Variants in STRN observed in about 807,000 individuals in gnomAD.
STRN encodes the protein striatin, also known as protein phosphatase 2 regulatory subunit B'''alpha.
Under a neutral mutation model 96.3 loss-of-function variants are expected in STRN, and 53 were observed. That is an observed-to-expected ratio of 0.55 (90% CI 0.44 to 0.69). The LOEUF is 0.69. Among genes scored for constraint, STRN ranks in the 30% least tolerant of loss-of-function variants. STRN has a pLI of 0.00. For missense variants in STRN, 987 were observed against 963.9 expected, an observed-to-expected ratio of 1.02 and a Z score of -0.32; for synonymous variants, 428 against 355.9, an observed-to-expected ratio of 1.20 and a Z score of -2.28.
At chr2:36,872,012 T>C (rs1668773561) in intron 10 of STRN, among the ~76,000 whole-genome samples, 1 of 152,252 alleles carries the variant, frequency 6.6e-6, no homozygotes, top group Non-Finnish European at 1.5e-5. Flanking sequence ...TCATGTCTGC[T>C]CTTTTTAAGC....
chr2:36,887,310 TAAATAC>T (rs1558638166), intron 7 of STRN, among the ~76,000 whole-genome samples: 19 of 148,584 alleles, frequency 1.3e-4, no homozygotes, highest in African/African-American at 4.6e-4. Flanking sequence ...AATAAATAAA[TAAATAC>T]AAAATTAGCC....
chr2:36,893,751 T>C (rs955228548), intron 7 of STRN, 147 bp downstream of exon 7: 3 of 864,170 alleles, frequency 3.5e-6, no homozygotes, highest in African/African-American at 1.8e-5. Flanking sequence ...TACACACACA[T>C]TCACCCTGGA....
rs935184154 is a variant in STRN, at chr2:36,838,286, C to T, written c.*11170G>A. ...CCTCTGACTTTAATGAGGCTGGAAGCGAATTCCTCCTCAGAGCTTTAGTTG... is the reference window on the plus strand; with the variant it reads ...CCTCTGACTTTAATGAGGCTGGAAGTGAATTCCTCCTCAGAGCTTTAGTTG... On this transcript the variant is annotated 3_prime_UTR_variant, in exon 18 of 18. Coordinates refer to ENST00000263918, the MANE Select transcript of STRN (RefSeq NM_003162.4). Among the ~76,000 whole-genome samples, 1 of 152,140 alleles carries T rather than the reference C, an allele frequency of 6.6e-6. No homozygotes were observed. The highest frequency in any genetic ancestry group is 2.4e-5 in the African/African-American group (1 of 41,422).
At chr2:36,904,847 T>A (rs533889178) in intron 4 of STRN, among the ~76,000 whole-genome samples, 2 of 152,062 alleles carry the variant, frequency 1.3e-5, no homozygotes, top group African/African-American at 4.8e-5. Flanking sequence ...ACTGAATGAA[T>A]GAATGAATGA....
intron 3 of STRN, among the ~76,000 whole-genome samples, chr2:36,909,113 A>C (rs1166311922): frequency 2.7e-5 from 4 of 149,998 alleles, no homozygotes; most frequent in Admixed American, 2.0e-4. Context: ...TCGAGATTGC[A>C]CCACTGCACT....
chr2:36,937,238 G>A (rs1670724227), intron 1 of STRN, among the ~76,000 whole-genome samples: 1 of 151,864 alleles, frequency 6.6e-6, no homozygotes, highest in South Asian at 2.1e-4. Flanking sequence ...CAGCTACTTG[G>A]GAAGCTGAGG....
chr2:36,963,959 G>A (rs1233385833), intron 1 of STRN, among the ~76,000 whole-genome samples: 1 of 151,710 alleles, frequency 6.6e-6, no homozygotes, highest in African/African-American at 2.4e-5. Context: ...ACTGCACACC[G>A]GCCTGGGCAA....
At chr2:36,891,670 T>A (rs1473163102) in intron 7 of STRN, among the ~76,000 whole-genome samples, 1 of 152,210 alleles carries the variant, frequency 6.6e-6, no homozygotes, top group Non-Finnish European at 1.5e-5. Flanking sequence ...TGTTCAATAT[T>A]TACAGAGGAA....
intron 11 of STRN, among the ~76,000 whole-genome samples, chr2:36,868,202 G>C (rs573654137): frequency 6.6e-6 from 1 of 152,064 alleles, no homozygotes; most frequent in East Asian, 1.9e-4. Flanking sequence ...CTAACTTTAA[G>C]CAAATTATTT....
chr2:36,851,014 T>C lies in STRN; in HGVS notation c.2072A>G (p.Tyr691Cys), dbSNP rs899633427. 1.2e-6 allele frequency: 2 copies of C among 1,608,940 alleles called. No homozygotes were observed. Among genetic ancestry groups the C allele is most frequent in the Non-Finnish European group, 1.7e-6 (2 of 1,176,788 alleles). ...TAAATTCTTACCTGTATTGTTATCA[T>C]AGAATTTGATGTGCCTGTCTTCATG... ...TAHEDRHIKF[Y>C]DNNTGKLIHS... is the part of the protein sequence containing the mutation. The change falls in exon 16 of 18, where the codon TAT (tyrosine) becomes TGT (cysteine). Residue 691 changes from tyrosine to cysteine, a missense_variant. By Grantham distance (194) the Tyr-to-Cys change is radical. Coordinates refer to ENST00000263918, the MANE Select transcript of STRN (RefSeq NM_003162.4).
At chr2:36,916,786 T>C (rs1670110566) in intron 2 of STRN, among the ~76,000 whole-genome samples, 2 of 152,160 alleles carry the variant, frequency 1.3e-5, no homozygotes, top group Admixed American at 1.3e-4. Context: ...TTATCTTCTT[T>C]TCAAAGTTGA....
At chr2:36,861,324 T>C in intron 12 of STRN, 71 bp from the exon 13 acceptor site, 3 of 1,553,658 alleles carry the variant, frequency 1.9e-6, no homozygotes, top group East Asian at 2.3e-5. Context: ...TTGTTAAAAA[T>C]AAGAATGTTT....
Position 36,889,741 on chromosome 2 carries a change from T to A in STRN, c.932-2915A>T, listed in dbSNP as rs1323595793. Among the ~76,000 whole-genome samples, 4 of 152,216 alleles carry A rather than the reference T, an allele frequency of 2.6e-5. No homozygotes were observed. In the East Asian group the frequency reaches 7.7e-4, roughly 29 times the overall value. On this transcript the variant is annotated intron_variant, in intron 7 of 17. Transcript: ENST00000263918. ...TGTTAATTTGTTAAAAGTGAACCCT[T>A]TGAATCTGAATTATAAAATCCTAAA...
At chr2:36,915,691 C>G (rs572044363) in intron 3 of STRN, among the ~76,000 whole-genome samples, 4 of 152,280 alleles carry the variant, frequency 2.6e-5, no homozygotes, top group African/African-American at 9.6e-5. Flanking sequence ...AAGAAGAAAT[C>G]TCTTACCTCC....
At chr2:36,886,909 A>G (rs1669247059) in intron 7 of STRN, 83 bp from the exon 8 acceptor site, 2 of 1,058,362 alleles carry the variant, frequency 1.9e-6, no homozygotes, top group South Asian at 3.9e-5. Flanking sequence ...TGACGTAACA[A>G]CCACTTTCTT....
At chr2:36,851,926 C>G (rs1020376360) in intron 15 of STRN, among the ~76,000 whole-genome samples, 1 of 152,188 alleles carries the variant, frequency 6.6e-6, no homozygotes, top group Non-Finnish European at 1.5e-5. Context: ...TCCTAAAAGT[C>G]AGCATCCTAA....
chr2:36,922,886 C>T (rs1433014868), intron 2 of STRN, among the ~76,000 whole-genome samples: 2 of 152,172 alleles, frequency 1.3e-5, no homozygotes, highest in African/African-American at 2.4e-5. Flanking sequence ...CGGTGGCTCA[C>T]GCCACCCAGC....
At chr2:36,872,627 C>T (rs566100868) in intron 10 of STRN, among the ~76,000 whole-genome samples, 1 of 152,218 alleles carries the variant, frequency 6.6e-6, no homozygotes, top group East Asian at 1.9e-4. Context: ...TTTGGGAAAC[C>T]GAGCGACAGA....
intron 1 of STRN, among the ~76,000 whole-genome samples, chr2:36,965,809 G>A (rs540077156): frequency 6.6e-6 from 1 of 152,348 alleles, no homozygotes; most frequent in South Asian, 2.1e-4. Context: ...AGGGGCCAAA[G>A]CCGGCACGTT....
Sources: allele counts gnomAD v4.1 joint callset (sites outside exome capture counted in the v4.1 genomes callset), GRCh38; gene constraint gnomAD v4.1.1; transcripts MANE v1.5; gene names NCBI Gene and HGNC (gene_info 2026-07-23, HGNC 2026-07-21).